The following GRB14 variants were observed in gnomAD, a reference collection of about 807,000 sequenced individuals.
The protein encoded by GRB14 is growth factor receptor-bound protein 14.
Under a neutral mutation model 69.1 loss-of-function variants are expected in GRB14, and 38 were observed. The observed-to-expected ratio is 0.55, with a 90% CI of 0.42 to 0.72. GRB14 has a LOEUF of 0.72. GRB14 is among the 30% of genes least tolerant of loss of function. The pLI is 0.00. For missense variants in GRB14, 666 were observed against 666.1 expected (o/e 1.00, Z 0.00); for synonymous variants, 247 against 241.3 (o/e 1.02, Z -0.22).
chr2:164,570,196 G>T (rs1689092755), intron 2 of GRB14, among the ~76,000 whole-genome samples: 1 of 146,918 alleles, frequency 6.8e-6, no homozygotes, highest in Admixed American at 7.0e-5. Flanking sequence ...AGAATTGCTT[G>T]AACCCGGGAG....
At chr2:164,561,580 G>A (rs1015373667) in intron 2 of GRB14, among the ~76,000 whole-genome samples, 3 of 152,144 alleles carry the variant, frequency 2.0e-5, no homozygotes, top group Non-Finnish European at 2.9e-5. Context: ...GCAGCTACAC[G>A]GTGATGAGTA....
At chr2:164,514,148 T>A (rs1451896) in intron 6 of GRB14, among the ~76,000 whole-genome samples, 15,846 of 152,228 alleles carry the variant, frequency 0.1, 963 homozygotes, top group Middle Eastern at 0.17. Flanking sequence ...ACAATGTATG[T>A]AAGGAGACAA....
intron 3 of GRB14, among the ~76,000 whole-genome samples, chr2:164,541,261 G>A (rs1255050519): frequency 6.6e-6 from 1 of 152,064 alleles, no homozygotes; most frequent in African/African-American, 2.4e-5. Context: ...CTTAGGTCAG[G>A]AGTTCGAGAC....
At chr2:164,606,878 G>A (rs1431996479) in intron 2 of GRB14, among the ~76,000 whole-genome samples, 3 of 152,168 alleles carry the variant, frequency 2.0e-5, no homozygotes, top group Non-Finnish European at 4.4e-5. Context: ...ACCCTTCCCA[G>A]GAATGAAAGT....
rs1457718079 is a variant in GRB14 at position 164,527,327 on chromosome 2, A to G, written c.482-192T>C. ...AGCCAGATTGATAAAATTTGTCATCAATTTTCAATTACTAATGTTCATTTT... is the reference window on the plus strand; with the variant it reads ...AGCCAGATTGATAAAATTTGTCATCGATTTTCAATTACTAATGTTCATTTT... On this transcript the variant is annotated intron_variant, in intron 3 of 13. Coordinates refer to ENST00000263915, the MANE Select transcript of GRB14 (RefSeq NM_004490.3). 7.3e-5 allele frequency among the ~76,000 whole-genome samples: 11 copies of G among 150,914 alleles called. 1 individual carries two copies. Among genetic ancestry groups the G allele is most frequent in the Admixed American group, 7.3e-4 (11 of 15,098 alleles).
intron 3 of GRB14, among the ~76,000 whole-genome samples, chr2:164,546,096 A>G (rs1688366246): frequency 1.3e-5 from 2 of 152,204 alleles, no homozygotes. Flanking sequence ...TTTTTTAAAT[A>G]AATCAAACAC....
chr2:164,537,696 G>GA (rs1386136196), intron 3 of GRB14, among the ~76,000 whole-genome samples: 5 of 152,174 alleles, frequency 3.3e-5, no homozygotes, highest in South Asian at 4.1e-4. Context: ...ATATGTAGAA[G>GA]AAAAAATCAG....
chr2:164,613,473 C>T (rs1690213837), intron 2 of GRB14, among the ~76,000 whole-genome samples: 1 of 152,136 alleles, frequency 6.6e-6, no homozygotes, highest in Non-Finnish European at 1.5e-5. Context: ...AGATACAGTT[C>T]CCAGTCAGTT....
At chr2:164,567,858 CAT>C (rs1222896193) in intron 2 of GRB14, among the ~76,000 whole-genome samples, 1 of 152,068 alleles carries the variant, frequency 6.6e-6, no homozygotes, top group Non-Finnish European at 1.5e-5. Flanking sequence ...ACTGGTAACA[CAT>C]GTTTAAACAG....
At chr2:164,506,533 T>C (rs1687194232) in intron 8 of GRB14, among the ~76,000 whole-genome samples, 1 of 152,176 alleles carries the variant, frequency 6.6e-6, no homozygotes, top group Non-Finnish European at 1.5e-5. Context: ...TCAGCCACTG[T>C]GGAAAAACAT....
intron 3 of GRB14, 120 bp downstream of exon 3, chr2:164,547,540 C>A: frequency 1.5e-6 from 1 of 681,986 alleles, no homozygotes; most frequent in Admixed American, 3.0e-5. Flanking sequence ...GAACTGGGAT[C>A]ACCTACAAGA....
At chr2:164,618,364 GA>G (rs1690360822) in intron 2 of GRB14, among the ~76,000 whole-genome samples, 1 of 151,076 alleles carries the variant, frequency 6.6e-6, no homozygotes, top group South Asian at 2.1e-4. Context: ...AACTCTCAAA[GA>G]GCTTGGAAGT....
chr2:164,501,073 T>C (rs978318736), intron 9 of GRB14, among the ~76,000 whole-genome samples: 1 of 152,090 alleles, frequency 6.6e-6, no homozygotes, highest in Non-Finnish European at 1.5e-5. Flanking sequence ...TATATACATA[T>C]GAATTGAAAG....
At chr2:164,613,435 T>C (rs1449645761) in intron 2 of GRB14, among the ~76,000 whole-genome samples, 2 of 152,052 alleles carry the variant, frequency 1.3e-5, no homozygotes, top group Admixed American at 6.6e-5. Flanking sequence ...GAATAGGATC[T>C]GGACACACTG....
chr2:164,606,121 C>T (rs187637828), intron 2 of GRB14, among the ~76,000 whole-genome samples: 88 of 152,210 alleles, frequency 5.8e-4, no homozygotes, highest in African/African-American at 1.9e-3. Flanking sequence ...TTAAAGTTAA[C>T]GTTCCAAAAA....
At chr2:164,575,606 GAT>G (rs1227355913) in intron 2 of GRB14, among the ~76,000 whole-genome samples, 3 of 152,026 alleles carry the variant, frequency 2.0e-5, no homozygotes, top group African/African-American at 4.8e-5. Flanking sequence ...AGATCAAAAA[GAT>G]ATTTTAAACT....
intron 2 of GRB14, among the ~76,000 whole-genome samples, chr2:164,566,189 T>C (rs1688968279): frequency 6.6e-6 from 1 of 152,154 alleles, no homozygotes; most frequent in Non-Finnish European, 1.5e-5. Context: ...TTATGGCATA[T>C]ATGGAAAATA....
intron 2 of GRB14, among the ~76,000 whole-genome samples, chr2:164,603,974 A>G (rs1689987547): frequency 6.6e-6 from 1 of 152,224 alleles, no homozygotes; most frequent in African/African-American, 2.4e-5. Context: ...GTAAGAATGG[A>G]CAGAAGCAAA....
chr2:164,500,687 A>C (rs2105258745), intron 9 of GRB14, among the ~76,000 whole-genome samples: 1 of 152,246 alleles, frequency 6.6e-6, no homozygotes, highest in South Asian at 2.1e-4. Flanking sequence ...CAAGTGCTAG[A>C]CAGGATGGTT....
Sources: gnomAD v4.1 joint callset for allele counts (sites outside exome capture counted in the v4.1 genomes callset) on GRCh38, gnomAD v4.1.1 for gene constraint, MANE v1.5 for transcripts, NCBI Gene and HGNC (gene_info 2026-07-23, HGNC 2026-07-21) for gene names.